The following FBXO3 variants were observed in gnomAD, a reference collection of about 807,000 sequenced individuals.
FBXO3 encodes the protein F-box protein 3.
A neutral mutation model predicts 64.8 loss-of-function variants in FBXO3; 17 were observed. That is an observed-to-expected ratio of 0.26 (90% CI 0.18 to 0.39). The LOEUF (loss-of-function observed/expected upper bound fraction) is 0.39. Ranked by LOEUF, FBXO3 falls within the 10% of genes least tolerant of loss-of-function variation. FBXO3 has a pLI of 1.00. For missense variants in FBXO3, 420 were observed against 589.9 expected (o/e 0.71, Z 2.98); for synonymous variants, 182 against 201.6 (o/e 0.90, Z 0.82).
At chr11:33,770,926 T>G in intron 1 of FBXO3, 96 bp from the exon 2 acceptor site, 1 of 968,192 alleles carries the variant, frequency 1.0e-6, no homozygotes, top group Non-Finnish European at 1.5e-6. Flanking sequence ...TTATGCCTTT[T>G]GTTTCTCTTA....
At position 33,754,477 on chromosome 11, in the gene FBXO3, A is replaced by T; in HGVS notation, c.702T>A (p.Ala234=). The T allele has an allele frequency of 6.3e-7, 1 of 1,583,962 alleles. No homozygotes were observed. Among genetic ancestry groups the T allele is most frequent in the South Asian group, 1.2e-5 (1 of 84,270 alleles). ...QCPDQMARNP[A]AIDMFIIGAT... is the part of the protein sequence containing the mutation. ...TACCTATAATAAACATGTCAATAGC[A>T]GCTGGATTTCGAGCCATTTGGTCCT... The change falls in exon 6 of 11, where the codon GCT becomes GCA. Residue 234 remains alanine, a synonymous_variant. Coordinates refer to ENST00000265651, the MANE Select transcript of FBXO3 (RefSeq NM_012175.4).
chr11:33,766,691 G>A (rs1174060859), intron 3 of FBXO3, among the ~76,000 whole-genome samples: 1 of 152,180 alleles, frequency 6.6e-6, no homozygotes, highest in Non-Finnish European at 1.5e-5. Context: ...ATGCCTATCT[G>A]CTTTCTGATT....
At chr11:33,764,390 A>G (rs1342777713) in intron 3 of FBXO3, among the ~76,000 whole-genome samples, 9 of 152,190 alleles carry the variant, frequency 5.9e-5, no homozygotes, top group Non-Finnish European at 1.2e-4. Flanking sequence ...CTACTTCTTG[A>G]TCTGGAGGGT....
At position 33,741,721 on chromosome 11, in the gene FBXO3, T is replaced by C; in HGVS notation, c.*187A>G. 1 of 462,694 alleles carries C rather than the reference T, an allele frequency of 2.2e-6. No individual in the cohort carries two copies. The highest frequency in any genetic ancestry group is 9.4e-5 in the South Asian group (1 of 10,586). The allele number at this position is 462,694 out of a possible 1,614,324, so 28.7% of individuals were successfully genotyped here. On this transcript the variant is annotated 3_prime_UTR_variant, in exon 11 of 11. Transcript: ENST00000265651. ...AAAGATTCCCATTTCTTCCTCTACC[T>C]CAAAAACACAAAGCAAACCCAAACA...
At chr11:33,746,403 A>T (rs1018358582) in intron 10 of FBXO3, 15 of 389,442 alleles carry the variant, frequency 3.9e-5, no homozygotes, top group Non-Finnish European at 6.0e-5. Context: ...CTCTTTTCAA[A>T]CTGGAGTTGA....
intron 4 of FBXO3, 51 bp downstream of exon 4, chr11:33,758,436 C>A: frequency 1.5e-6 from 2 of 1,345,642 alleles, no homozygotes; most frequent in Non-Finnish European, 2.1e-6. Context: ...TACTTTCATT[C>A]TAAAAAATAA....
intron 3 of FBXO3, among the ~76,000 whole-genome samples, chr11:33,758,862 T>A (rs1347119311): frequency 6.6e-6 from 1 of 152,160 alleles, no homozygotes; most frequent in East Asian, 1.9e-4. Context: ...AATAATGTTT[T>A]CACATTATAA....
chr11:33,764,874 G>A (rs1229273027), intron 3 of FBXO3, among the ~76,000 whole-genome samples: 2 of 151,994 alleles, frequency 1.3e-5, no homozygotes, highest in Non-Finnish European at 2.9e-5. Context: ...CTTGGGAGGC[G>A]GAGGCAGGAG....
intron 3 of FBXO3, among the ~76,000 whole-genome samples, chr11:33,760,636 C>A (rs908643136): frequency 1.3e-5 from 2 of 152,120 alleles, no homozygotes; most frequent in Admixed American, 1.3e-4. Flanking sequence ...CAAAGCAAGA[C>A]CCTGTCTTTA....
At chr11:33,746,764 T>A in intron 10 of FBXO3, 1 of 1,417,354 alleles carries the variant, frequency 7.1e-7, no homozygotes, top group Non-Finnish European at 9.2e-7. Context: ...ATGATCTTTA[T>A]GGAATATTTG....
intron 4 of FBXO3, among the ~76,000 whole-genome samples, chr11:33,756,667 T>C (rs1362934655): frequency 6.6e-6 from 1 of 152,186 alleles, no homozygotes; most frequent in African/African-American, 2.4e-5. Flanking sequence ...TTCAGTTCAA[T>C]AGGAAAAAAT....
intron 1 of FBXO3, chr11:33,772,691 C>T (rs1189209059): frequency 6.6e-6 from 1 of 152,290 alleles, no homozygotes; most frequent in African/African-American, 2.4e-5. Context: ...GCACTTAGTA[C>T]CTCTTGCAAT....
intron 4 of FBXO3, among the ~76,000 whole-genome samples, chr11:33,757,683 T>TAAAAAAAAAA (rs1554946196): frequency 2.9e-5 from 1 of 34,756 alleles, no homozygotes; most frequent in African/African-American, 1.0e-4. Context: ...AAAAAAAAAG[T>TAAAAAAAAAA]CTGGGTGGTT....
intron 8 of FBXO3, among the ~76,000 whole-genome samples, chr11:33,749,644 G>C (rs1307582219): frequency 6.6e-6 from 1 of 152,154 alleles, no homozygotes; most frequent in Non-Finnish European, 1.5e-5. Context: ...GATTATAGGC[G>C]TGGGCCACCG....
Position 33,770,730 on chromosome 11 carries a change from C to A in FBXO3, c.194+11G>T, listed in dbSNP as rs376638839. The A allele has an allele frequency of 1.3e-4, 212 of 1,603,918 alleles. No individual in the cohort carries two copies. The highest frequency in any genetic ancestry group is 1.8e-4 in the Non-Finnish European group (209 of 1,172,232). ...CCAGTTTTCAGAAGTACATATTCCT[C>A]GAATACTCACTCAGATATCAGCCAG... On this transcript the variant is annotated intron_variant, in intron 2 of 10. Coordinates refer to ENST00000265651, the MANE Select transcript of FBXO3 (RefSeq NM_012175.4).
intron 10 of FBXO3, chr11:33,744,990 T>C (rs1437957892): frequency 7.2e-5 from 11 of 151,996 alleles, no homozygotes; most frequent in Admixed American, 4.6e-4. Context: ...CTAACAAACA[T>C]TAAAAACAAA....
In FBXO3 at chr11:33,751,611, T is replaced by A; in HGVS notation, c.725-4A>T. 1 of 1,543,012 alleles carries A rather than the reference T, an allele frequency of 6.5e-7. No homozygotes were observed. Among genetic ancestry groups the A allele is most frequent in the East Asian group, 2.3e-5 (1 of 43,872 alleles). ...AACCAGTCAGTAAAAGTAGCACCTA[T>A]AAAGCAGGAAAGGGAGAAAAAAAGA... On this transcript the variant is annotated splice_polypyrimidine_tract_variant and splice_region_variant and intron_variant, in intron 6 of 10. Transcript: ENST00000265651.
At position 33,762,646 on chromosome 11, in the gene FBXO3, G is replaced by A. The variant is rs568757479; in HGVS notation, c.359-4045C>T. On this transcript the variant is annotated intron_variant, in intron 3 of 10. Coordinates refer to ENST00000265651, the MANE Select transcript of FBXO3 (RefSeq NM_012175.4). ...CTTATGGGACAAACTAATGTGCTTA[G>A]TGGGAAATTTAGAGCTCTAAATTCA... 1.4e-3 allele frequency among the ~76,000 whole-genome samples: 216 copies of A among 151,560 alleles called. 1 individual carries two copies. The highest frequency in any genetic ancestry group is 4.9e-3 in the African/African-American group (204 of 41,344).
At chr11:33,758,827 G>T (rs1522087) in intron 3 of FBXO3, among the ~76,000 whole-genome samples, 2 of 151,914 alleles carry the variant, frequency 1.3e-5, no homozygotes, top group South Asian at 2.1e-4. Flanking sequence ...GTAAAACATG[G>T]AAAGTGGGCA....
Sources: gnomAD v4.1 joint callset for allele counts (sites outside exome capture counted in the v4.1 genomes callset) on GRCh38, gnomAD v4.1.1 for gene constraint, MANE v1.5 for transcripts, NCBI Gene and HGNC (gene_info 2026-07-23, HGNC 2026-07-21) for gene names.